Variants in NFIB observed in about 807,000 individuals in gnomAD.
NFIB encodes nuclear factor 1 B-type.
NFIB carries 11 observed loss-of-function variants against 61.5 expected under a neutral mutation model. That is an observed-to-expected ratio of 0.18 (90% CI 0.11 to 0.30). The LOEUF (loss-of-function observed/expected upper bound fraction) is 0.30, where lower values mean the gene tolerates loss of function less well. NFIB is among the 10% of genes least tolerant of loss of function. NFIB has a pLI of 1.00. For synonymous variants in NFIB, 260 were observed against 216.5 expected (o/e 1.20, Z -1.76); for missense variants, 471 against 608.9 (o/e 0.77, Z 2.38).
At chr9:14,437,231 GT>G in the NFIB span, among the ~76,000 whole-genome samples, 2 of 152,196 alleles carry the variant, frequency 1.3e-5, no homozygotes, top group African/African-American at 4.8e-5. Flanking sequence ...ATATCCAAAT[GT>G]AAAAAGTGTG....
At chr9:14,419,056 G>A in the NFIB span, among the ~76,000 whole-genome samples, 1 of 151,570 alleles carries the variant, frequency 6.6e-6, no homozygotes, top group African/African-American at 2.4e-5. Context: ...TCGGCAACCT[G>A]CAAAGTCACC....
intron 2 of NFIB, among the ~76,000 whole-genome samples, chr9:14,201,076 T>C (rs2048982151): frequency 1.3e-5 from 2 of 152,150 alleles, no homozygotes; most frequent in Admixed American, 6.5e-5. Flanking sequence ...TTTCCCCATC[T>C]CCATCCCAAC....
the NFIB span, among the ~76,000 whole-genome samples, chr9:14,521,899 G>C: frequency 3.3e-5 from 5 of 152,190 alleles, no homozygotes; most frequent in African/African-American, 1.2e-4. Context: ...CAGGAGTTTA[G>C]AGAATATTCA....
At chr9:14,490,780 T>C in the NFIB span, among the ~76,000 whole-genome samples, 1 of 152,196 alleles carries the variant, frequency 6.6e-6, no homozygotes, top group African/African-American at 2.4e-5. Context: ...TACCACGCAC[T>C]GGCAAAAAAT....
the NFIB span, among the ~76,000 whole-genome samples, chr9:14,455,720 T>TC: frequency 6.6e-6 from 1 of 152,174 alleles, no homozygotes; most frequent in Non-Finnish European, 1.5e-5. Context: ...AGGGAAGCTA[T>TC]ACATTCAAAG....
intron 1 of NFIB, among the ~76,000 whole-genome samples, chr9:14,355,566 T>C (rs1247096775): frequency 6.6e-6 from 1 of 152,222 alleles, no homozygotes; most frequent in African/African-American, 2.4e-5. Flanking sequence ...AATCTTTTGC[T>C]TTTTAAATAT....
At chr9:14,413,102 T>C in the NFIB span, among the ~76,000 whole-genome samples, 1 of 152,192 alleles carries the variant, frequency 6.6e-6, no homozygotes. Flanking sequence ...CTTCCCATCA[T>C]GCTCTGTGCT....
At chr9:14,179,139 T>C (rs2046477651) in intron 3 of NFIB, among the ~76,000 whole-genome samples, 1 of 152,138 alleles carries the variant, frequency 6.6e-6, no homozygotes, top group South Asian at 2.1e-4. Context: ...AGCCAAGTTA[T>C]AAAAGCCCAT....
chr9:14,283,551 T>TG (rs1465784841), intron 2 of NFIB, among the ~76,000 whole-genome samples: 1 of 152,228 alleles, frequency 6.6e-6, no homozygotes, highest in Non-Finnish European at 1.5e-5. Context: ...TTGAGGACAA[T>TG]GGACTCCTCT....
At chr9:14,449,972 TA>T in the NFIB span, among the ~76,000 whole-genome samples, 6 of 151,916 alleles carry the variant, frequency 3.9e-5, no homozygotes, top group Non-Finnish European at 5.9e-5. Flanking sequence ...AAATTTTTTT[TA>T]AAAAAAATTA....
intron 2 of NFIB, among the ~76,000 whole-genome samples, chr9:14,182,883 T>C (rs993553657): frequency 2.6e-5 from 4 of 151,976 alleles, no homozygotes; most frequent in Admixed American, 1.3e-4. Context: ...TTATCTACCT[T>C]GTAAAATCAT....
At chr9:14,285,899 T>C (rs1209947116) in intron 2 of NFIB, among the ~76,000 whole-genome samples, 1 of 151,192 alleles carries the variant, frequency 6.6e-6, no homozygotes, top group African/African-American at 2.5e-5. Context: ...CAAGAAGAAA[T>C]GGAGCCTCTG....
chr9:14,104,308 CAAAGA>C (rs1397788423), intron 10 of NFIB, among the ~76,000 whole-genome samples: 1 of 152,058 alleles, frequency 6.6e-6, no homozygotes, highest in Non-Finnish European at 1.5e-5. Flanking sequence ...TTCAATATTT[CAAAGA>C]AGTAAATGTG....
At chr9:14,354,797 T>C (rs2061156014) in intron 1 of NFIB, among the ~76,000 whole-genome samples, 1 of 151,712 alleles carries the variant, frequency 6.6e-6, no homozygotes, top group Non-Finnish European at 1.5e-5. Flanking sequence ...TGTGTGTGTG[T>C]GTGTGTGTGT....
chr9:14,288,269 A>C (rs561756658), intron 2 of NFIB, among the ~76,000 whole-genome samples: 48 of 152,260 alleles, frequency 3.2e-4, no homozygotes, highest in African/African-American at 1.1e-3. Context: ...TGTATAGGAC[A>C]TACACTGAAA....
chr9:14,415,356 C>T, the NFIB span, among the ~76,000 whole-genome samples: 1 of 152,136 alleles, frequency 6.6e-6, no homozygotes, highest in South Asian at 2.1e-4. Flanking sequence ...CGAGGCATAA[C>T]CCACAACACA....
At chr9:14,367,329 C>T (rs1280112826) in intron 1 of NFIB, among the ~76,000 whole-genome samples, 5 of 151,926 alleles carry the variant, frequency 3.3e-5, no homozygotes, top group Admixed American at 6.6e-5. Context: ...CTAGGAAAGG[C>T]TTTTCAGATG....
the NFIB span, among the ~76,000 whole-genome samples, chr9:14,462,417 G>T: frequency 3.9e-5 from 6 of 151,920 alleles, no homozygotes; most frequent in Non-Finnish European, 7.4e-5. Flanking sequence ...CCAGCAGCAG[G>T]GACTACAGGC....
intron 1 of NFIB, chr9:14,361,812 A>G (rs886135343): frequency 1.3e-5 from 2 of 152,244 alleles, no homozygotes; most frequent in African/African-American, 4.8e-5. Context: ...TTTACCAATG[A>G]CAGGAGTAAA....
Sources: allele counts gnomAD v4.1 joint callset (sites outside exome capture counted in the v4.1 genomes callset), GRCh38; gene constraint gnomAD v4.1.1; transcripts MANE v1.5; gene names NCBI Gene and HGNC (gene_info 2026-07-23, HGNC 2026-07-21).